SMIM35: variants seen among roughly 807,000 people sequenced by gnomAD.
SMIM35 encodes TMPRSS4 antisense RNA 1 (non-protein coding).
chr11:118,071,275 CT>C (rs1172486836), intron 1 of SMIM35, among the ~76,000 whole-genome samples: 1 of 152,204 alleles, frequency 6.6e-6, no homozygotes, highest in Admixed American at 6.5e-5. Context: ...GTGACTAGGG[CT>C]CAGGGTTGGG....
At chr11:118,032,576 A>T (rs994382254) in intron 1 of SMIM35, among the ~76,000 whole-genome samples, 56 of 150,882 alleles carry the variant, frequency 3.7e-4, no homozygotes, top group Non-Finnish European at 2.4e-4. Flanking sequence ...TGCATAGTTT[A>T]TTTTTTTTTG....
At chr11:118,074,702 G>A (rs571852484) in intron 1 of SMIM35, among the ~76,000 whole-genome samples, 2 of 150,868 alleles carry the variant, frequency 1.3e-5, no homozygotes, top group East Asian at 2.0e-4. Context: ...AGCTGAGGCT[G>A]CACCACTGCA....
At chr11:118,077,092 CAG>C (rs916510723) in intron 1 of SMIM35, 7 of 549,288 alleles carry the variant, frequency 1.3e-5, no homozygotes, top group Middle Eastern at 4.7e-4. Flanking sequence ...CTGGAATACA[CAG>C]AGAGAGGCAG....
chr11:118,014,491 T>C (rs935159992), intron 3 of SMIM35, among the ~76,000 whole-genome samples: 2 of 152,014 alleles, frequency 1.3e-5, no homozygotes, highest in Non-Finnish European at 2.9e-5. Context: ...GTTAAGGAGA[T>C]CATTGTCATC....
At chr11:118,049,631 G>A (rs1565391817) in intron 1 of SMIM35, among the ~76,000 whole-genome samples, 1 of 152,100 alleles carries the variant, frequency 6.6e-6, no homozygotes, top group Non-Finnish European at 1.5e-5. Flanking sequence ...TTACAGGCAT[G>A]AGCCACCGCA....
intron 1 of SMIM35, among the ~76,000 whole-genome samples, chr11:118,061,518 G>A (rs1385826700): frequency 6.6e-6 from 1 of 152,064 alleles, no homozygotes; most frequent in African/African-American, 2.4e-5. Flanking sequence ...CTCCAGGGAA[G>A]CAGAATCAGT....
At chr11:118,048,751 G>A (rs1488288247) in intron 1 of SMIM35, among the ~76,000 whole-genome samples, 11 of 151,360 alleles carry the variant, frequency 7.3e-5, no homozygotes, top group South Asian at 2.1e-4. Flanking sequence ...CAAAAAACAC[G>A]GCCCTAGATT....
chr11:118,025,738 A>G, intron 1 of SMIM35: 2 of 454,764 alleles, frequency 4.4e-6, no homozygotes, highest in Non-Finnish European at 8.8e-6. Flanking sequence ...CCCATTCTAT[A>G]GGTTGTCTGT....
intron 1 of SMIM35, among the ~76,000 whole-genome samples, chr11:118,079,601 C>T (rs80024890): frequency 0.016 from 2,483 of 152,330 alleles, 101 homozygotes; most frequent in East Asian, 0.11. Flanking sequence ...TAAACGCACC[C>T]TGAGCCACCA....
At chr11:118,017,774 C>T (rs939466881) in intron 1 of SMIM35, among the ~76,000 whole-genome samples, 1 of 152,140 alleles carries the variant, frequency 6.6e-6, no homozygotes, top group Non-Finnish European at 1.5e-5. Flanking sequence ...AGGAAACTTA[C>T]AGTCAGGGTG....
chr11:118,014,056 G>C (rs182467324), intron 3 of SMIM35, among the ~76,000 whole-genome samples, 176 bp from the exon 4 acceptor site: 1 of 152,196 alleles, frequency 6.6e-6, no homozygotes, highest in South Asian at 2.1e-4. Flanking sequence ...CCTGTGGCAA[G>C]TAGATGAGAT....
intron 1 of SMIM35, among the ~76,000 whole-genome samples, chr11:118,030,298 G>T (rs992579995): frequency 6.6e-6 from 1 of 152,142 alleles, no homozygotes; most frequent in Admixed American, 6.5e-5. Context: ...GCCACCTAAA[G>T]TGTTGGGATT....
At chr11:118,034,034 G>A (rs2135062718) in intron 1 of SMIM35, among the ~76,000 whole-genome samples, 1 of 152,218 alleles carries the variant, frequency 6.6e-6, no homozygotes, top group East Asian at 1.9e-4. Flanking sequence ...TTGGGAGGCC[G>A]AGGCGGGCAG....
chr11:118,028,335 T>C (rs1357542565), intron 1 of SMIM35, among the ~76,000 whole-genome samples: 2 of 152,232 alleles, frequency 1.3e-5, no homozygotes, highest in Non-Finnish European at 2.9e-5. Context: ...TAAGGCTCTT[T>C]AGCCTTGGTC....
chr11:118,013,286 T>C (rs537456974), intron 4 of SMIM35, among the ~76,000 whole-genome samples: 38 of 151,938 alleles, frequency 2.5e-4, no homozygotes, highest in African/African-American at 8.4e-4. Flanking sequence ...GCAACTGAGA[T>C]GTGGGGAAGG....
At position 118,003,937 on chromosome 11, in the gene SMIM35, C is replaced by T. The variant is rs2058110302; in HGVS notation, c.*2473G>A. 1 of 152,262 alleles carries T rather than the reference C, an allele frequency of 6.6e-6. No homozygotes were observed. Among genetic ancestry groups the T allele is most frequent in the South Asian group, 2.1e-4 (1 of 4,838 alleles). 9.4% of individuals were successfully genotyped at this position (152,262 alleles called of 1,614,324 possible). A position where few individuals can be genotyped will look rare whatever the true frequency, so the allele number is the denominator to read the frequency against. ...TAGGCTGGGCTACTATAACAAAACACCATGGACTGGGTGGCTTAAACAACA... is the reference window on the plus strand; with the variant it reads ...TAGGCTGGGCTACTATAACAAAACATCATGGACTGGGTGGCTTAAACAACA... On this transcript the variant is annotated 3_prime_UTR_variant, in exon 5 of 5. Transcript: ENST00000689828.
intron 1 of SMIM35, chr11:118,031,775 A>T (rs2058322180): frequency 6.6e-6 from 1 of 152,040 alleles, no homozygotes; most frequent in Non-Finnish European, 1.5e-5. Flanking sequence ...TAATCAAGTG[A>T]CCAGAGTGAG....
intron 1 of SMIM35, chr11:118,031,984 C>CAA (rs546225156): frequency 6.9e-6 from 1 of 145,900 alleles, no homozygotes; most frequent in Non-Finnish European, 1.5e-5. Context: ...CAAAAAAATA[C>CAA]AAAAAAAAAA....
intron 1 of SMIM35, among the ~76,000 whole-genome samples, chr11:118,043,885 C>G (rs1258074416): frequency 6.7e-6 from 1 of 149,666 alleles, no homozygotes; most frequent in Non-Finnish European, 1.5e-5. Context: ...GTTATCTTAG[C>G]TAAAGGGTAT....
Sources: gnomAD v4.1 joint callset for allele counts (sites outside exome capture counted in the v4.1 genomes callset) on GRCh38, gnomAD v4.1.1 for gene constraint, MANE v1.5 for transcripts, NCBI Gene and HGNC (gene_info 2026-07-23, HGNC 2026-07-21) for gene names.